The following SCAI variants were observed in gnomAD, a reference collection of about 807,000 sequenced individuals.
SCAI encodes protein SCAI.
SCAI carries 24 observed loss-of-function variants against 92.2 expected under a neutral mutation model. The observed-to-expected ratio is 0.26, with a 90% CI of 0.19 to 0.37. The LOEUF is 0.37. SCAI is among the 10% of genes least tolerant of loss of function. The probability of loss-of-function intolerance (pLI) is 1.00; values close to 1 mark genes in which losing one functional copy is unlikely to be tolerated. For missense variants in SCAI, 450 were observed against 736.2 expected, an observed-to-expected ratio of 0.61 and a Z score of 4.50; for synonymous variants, 261 against 258.6, an observed-to-expected ratio of 1.01 and a Z score of -0.09.
chr9:125,076,227 G>C (rs1385473473), intron 2 of SCAI, among the ~76,000 whole-genome samples: 1 of 152,118 alleles, frequency 6.6e-6, no homozygotes, highest in African/African-American at 2.4e-5. Flanking sequence ...GGCCAGGCGT[G>C]GTGGCTCATA....
intron 3 of SCAI, among the ~76,000 whole-genome samples, chr9:125,038,247 A>G (rs1389746488): frequency 6.6e-6 from 1 of 152,224 alleles, no homozygotes; most frequent in Admixed American, 6.5e-5. Context: ...TACCTCAAAA[A>G]AAGAAAAGAA....
chr9:125,087,985 T>G (rs1184410654), intron 2 of SCAI, among the ~76,000 whole-genome samples: 1 of 152,192 alleles, frequency 6.6e-6, no homozygotes, highest in Non-Finnish European at 1.5e-5. Context: ...ATTGTTGAAG[T>G]TAGGTGATGA....
At chr9:125,002,153 T>C in intron 11 of SCAI, 110 bp from the exon 12 acceptor site, 1 of 754,970 alleles carries the variant, frequency 1.3e-6, no homozygotes, top group Non-Finnish European at 2.3e-6. Context: ...GAATGCACTG[T>C]TGTCTTTTCC....
chr9:125,037,865 G>A (rs1299583350), intron 3 of SCAI, among the ~76,000 whole-genome samples: 3 of 151,974 alleles, frequency 2.0e-5, no homozygotes, highest in Non-Finnish European at 2.9e-5. Flanking sequence ...GCAGTGAGCC[G>A]AGATTGTGCC....
intron 9 of SCAI, among the ~76,000 whole-genome samples, chr9:125,014,958 C>T (rs1448666510): frequency 2.0e-5 from 3 of 152,104 alleles, no homozygotes; most frequent in Admixed American, 6.5e-5. Flanking sequence ...ATAAATGGTG[C>T]TGGGAAAACT....
intron 13 of SCAI, 121 bp from the exon 14 acceptor site, chr9:124,995,136 A>G: frequency 1.6e-6 from 1 of 634,246 alleles, no homozygotes. Flanking sequence ...AACAAAGACT[A>G]GTTAAGCAAA....
chr9:125,016,284 A>T (rs1715942482), intron 9 of SCAI, among the ~76,000 whole-genome samples: 1 of 150,888 alleles, frequency 6.6e-6, no homozygotes, highest in Non-Finnish European at 1.5e-5. Context: ...TCTACTAGGA[A>T]GGCTGAGGCA....
intron 11 of SCAI, among the ~76,000 whole-genome samples, chr9:125,002,827 TG>T (rs1416110631): frequency 1.3e-5 from 2 of 151,354 alleles, no homozygotes; most frequent in African/African-American, 4.9e-5. Flanking sequence ...AATAAAAAAC[TG>T]GAGGAAGGAG....
In SCAI at chr9:124,976,195, T is replaced by C. The variant is rs1831751003; in HGVS notation, c.1327-9A>G. 3.8e-6 allele frequency: 6 copies of C among 1,575,302 alleles called. No individual in the cohort carries two copies. The highest frequency in any genetic ancestry group is 1.7e-5 in the Admixed American group (1 of 59,906). On this transcript the variant is annotated splice_polypyrimidine_tract_variant and intron_variant, in intron 14 of 17. Transcript: ENST00000336505. ...AACAAGTTTGTGAAATTCTGTAATATATAAGAATTTAAAACTTGCATTAAA... is the reference window on the plus strand; with the variant it reads ...AACAAGTTTGTGAAATTCTGTAATACATAAGAATTTAAAACTTGCATTAAA...
intron 3 of SCAI, among the ~76,000 whole-genome samples, chr9:125,032,201 T>A (rs1274175343): frequency 3.8e-5 from 5 of 132,042 alleles, no homozygotes; most frequent in Admixed American, 7.7e-5. Flanking sequence ...ATATATTTTT[T>A]TTTTTTTTTG....
chr9:125,025,264 T>C (rs560200799), intron 6 of SCAI, among the ~76,000 whole-genome samples: 1 of 152,348 alleles, frequency 6.6e-6, no homozygotes, highest in Admixed American at 6.5e-5. Context: ...GTTTTTGTCA[T>C]CCTGATTCCA....
At chr9:125,016,467 G>A (rs1462633933) in intron 9 of SCAI, among the ~76,000 whole-genome samples, 1 of 151,202 alleles carries the variant, frequency 6.6e-6, no homozygotes, top group East Asian at 1.9e-4. Context: ...TAGGAAGAAG[G>A]AAATAAGAAT....
intron 2 of SCAI, chr9:125,142,281 C>T (rs1388258717): frequency 1.0e-5 from 2 of 191,726 alleles, no homozygotes; most frequent in Non-Finnish European, 2.2e-5. Context: ...GGATTGAAGG[C>T]ATGAGCCACC....
chr9:125,044,202 T>A (rs1230851474), intron 3 of SCAI, among the ~76,000 whole-genome samples: 1 of 152,038 alleles, frequency 6.6e-6, no homozygotes, highest in Non-Finnish European at 1.5e-5. Flanking sequence ...GAGGCGGGCC[T>A]GGGGGGATAA....
intron 2 of SCAI, among the ~76,000 whole-genome samples, chr9:125,133,783 G>T (rs978687126): frequency 1.3e-5 from 2 of 152,134 alleles, no homozygotes; most frequent in Non-Finnish European, 2.9e-5. Flanking sequence ...GTATTGGTGA[G>T]GACATTTGGA....
Position 125,111,559 on chromosome 9 carries a change from A to AT in SCAI, c.98+31073dup, listed in dbSNP as rs60793424. 5.3e-3 allele frequency among the ~76,000 whole-genome samples: 775 copies of AT among 147,242 alleles called. 7 individuals carry two copies. The highest frequency in any genetic ancestry group is 0.017 in the African/African-American group (697 of 39,946). On this transcript the variant is annotated intron_variant, in intron 2 of 17. Coordinates refer to ENST00000336505, the MANE Select transcript of SCAI (RefSeq NM_001144877.3). ...ACATTATGAGACTTTTTTTGTGAAA[A>AT]TTTTTTTTTTTTTTTAGTCCATCAG... is the stretch of plus-strand genomic sequence containing the variant.
Position 124,950,180 on chromosome 9 carries a change from G to T in SCAI, c.*2627C>A, listed in dbSNP as rs1008021601. 1 of 151,978 alleles carries T rather than the reference G, an allele frequency of 6.6e-6. No individual in the cohort carries two copies. The highest frequency in any genetic ancestry group is 2.1e-4 in the South Asian group (1 of 4,816). 9.4% of individuals were successfully genotyped at this position (151,978 alleles called of 1,614,324 possible). On this transcript the variant is annotated 3_prime_UTR_variant, in exon 18 of 18. Coordinates refer to ENST00000336505, the MANE Select transcript of SCAI (RefSeq NM_001144877.3). Reference sequence around the variant, plus strand: ...GTAAATATGACTTACAAAAGAAAAGGTTGTGTACACTACAAACAGGGTAAA... The same window carrying T: ...GTAAATATGACTTACAAAAGAAAAGTTTGTGTACACTACAAACAGGGTAAA...
rs191803627 is a variant in SCAI, at chr9:125,057,273, C to T, written c.99-1266G>A. ...AGATTTGGGGTACTCTGCCAAAAGA[C>T]AGTAGAAAGAGATTAAATATATAAA... On this transcript the variant is annotated intron_variant, in intron 2 of 17. Coordinates refer to ENST00000336505, the MANE Select transcript of SCAI (RefSeq NM_001144877.3). Among the ~76,000 whole-genome samples the T allele has an allele frequency of 3.4e-3, 520 of 151,878 alleles. 7 individuals carry two copies. The highest frequency in any genetic ancestry group is 0.024 in the South Asian group (116 of 4,812).
chr9:125,011,905 C>T (rs993430071), intron 9 of SCAI, among the ~76,000 whole-genome samples: 1 of 152,126 alleles, frequency 6.6e-6, no homozygotes. Context: ...GAATTTTCAA[C>T]CCAGAATTTC....
Sources: allele counts gnomAD v4.1 joint callset (sites outside exome capture counted in the v4.1 genomes callset), GRCh38; gene constraint gnomAD v4.1.1; transcripts MANE v1.5; gene names NCBI Gene and HGNC (gene_info 2026-07-23, HGNC 2026-07-21).